Variants in IRAG1 observed in about 807,000 individuals in gnomAD.
IRAG1 encodes inositol 1,4,5-triphosphate receptor associated 1, also known as IP3R-associated cGMP kinase substrate.
A neutral mutation model predicts 106.2 loss-of-function variants in IRAG1; 62 were observed. The observed-to-expected ratio is 0.58, with a 90% CI of 0.48 to 0.72. IRAG1 has a LOEUF of 0.72. Among genes scored for constraint, IRAG1 ranks in the 30% least tolerant of loss-of-function variants. The pLI is 0.00. For missense variants in IRAG1, 1,064 were observed against 1,140.7 expected, an observed-to-expected ratio of 0.93 and a Z score of 0.97; for synonymous variants, 462 against 443.9, an observed-to-expected ratio of 1.04 and a Z score of -0.51.
At chr11:10,669,360 A>G (rs1860037713) in intron 1 of IRAG1, among the ~76,000 whole-genome samples, 1 of 151,818 alleles carries the variant, frequency 6.6e-6, no homozygotes, top group Non-Finnish European at 1.5e-5. Flanking sequence ...TCCAGACTTG[A>G]CTCCCTGGAG....
chr11:10,595,236 T>A (rs1352960883), intron 15 of IRAG1, among the ~76,000 whole-genome samples: 1 of 152,194 alleles, frequency 6.6e-6, no homozygotes, highest in African/African-American at 2.4e-5. Context: ...GTTTTTTTCA[T>A]AATCTAATCT....
chr11:10,636,246 C>T (rs1857136972), intron 2 of IRAG1, among the ~76,000 whole-genome samples: 1 of 152,166 alleles, frequency 6.6e-6, no homozygotes, highest in Non-Finnish European at 1.5e-5. Context: ...ACAATCATAG[C>T]TCGTTGTAGC....
intron 10 of IRAG1, among the ~76,000 whole-genome samples, chr11:10,615,698 C>T (rs1301186326): frequency 2.0e-5 from 3 of 151,884 alleles, no homozygotes; most frequent in Admixed American, 6.6e-5. Flanking sequence ...AACCAAACAC[C>T]GCATGTTCTC....
intron 2 of IRAG1, among the ~76,000 whole-genome samples, chr11:10,646,936 G>T (rs1451959617): frequency 6.6e-6 from 1 of 152,140 alleles, no homozygotes; most frequent in Non-Finnish European, 1.5e-5. Flanking sequence ...GTTAAAGTTG[G>T]GCTGTTTGAT....
chr11:10,622,373 G>C (rs1855900070), intron 10 of IRAG1, among the ~76,000 whole-genome samples: 1 of 152,146 alleles, frequency 6.6e-6, no homozygotes, highest in South Asian at 2.1e-4. Context: ...AGAGCCAGGA[G>C]CCTGGCCTGT....
At position 10,576,112 on chromosome 11, in the gene IRAG1, C is replaced by T. The variant is rs1850799155; in HGVS notation, c.*220G>A. ...CCTTGGTGAAGGTGACTTCTTCATC[C>T]ACTGGATGCTTTCCCAGGGCAGTTT... On this transcript the variant is annotated 3_prime_UTR_variant, in exon 21 of 21. Coordinates refer to ENST00000423302, the MANE Select transcript of IRAG1 (RefSeq NM_130385.4). 7 of 578,828 alleles carry T rather than the reference C, an allele frequency of 1.2e-5. No homozygotes were observed. In the South Asian group the frequency reaches 1.5e-4, roughly 12 times the overall value. The allele number at this position is 578,828 out of a possible 1,614,324, so 35.9% of individuals were successfully genotyped here.
chr11:10,672,429 C>T (rs1161841593), intron 1 of IRAG1, among the ~76,000 whole-genome samples: 2 of 152,098 alleles, frequency 1.3e-5, no homozygotes, highest in African/African-American at 2.4e-5. Context: ...AAAAAATTTG[C>T]AAATAGCATA....
chr11:10,675,547 G>A lies in IRAG1; in HGVS notation c.67+17989C>T, dbSNP rs139619979. Among the ~76,000 whole-genome samples the A allele has an allele frequency of 5.6e-3, 848 of 152,294 alleles. 12 individuals carry two copies. Among genetic ancestry groups the A allele is most frequent in the African/African-American group, 0.02 (822 of 41,556 alleles). On this transcript the variant is annotated intron_variant, in intron 1 of 20. Coordinates refer to ENST00000423302, the MANE Select transcript of IRAG1 (RefSeq NM_130385.4). ...TGACGACTGGGGAAGCAGGTCACCT[G>A]AGGAACCCTGAGCCTCTGGTCTGCT...
At chr11:10,607,448 C>A (rs1377783267) in intron 11 of IRAG1, among the ~76,000 whole-genome samples, 1 of 152,236 alleles carries the variant, frequency 6.6e-6, no homozygotes, top group Non-Finnish European at 1.5e-5. Flanking sequence ...AGCTCCTCGT[C>A]TGTGGCGTTC....
At chr11:10,652,896 C>A (rs1356202573) in intron 1 of IRAG1, among the ~76,000 whole-genome samples, 1 of 152,154 alleles carries the variant, frequency 6.6e-6, no homozygotes, top group Non-Finnish European at 1.5e-5. Context: ...AACCTGGGGG[C>A]TCAGGCAGGG....
intron 1 of IRAG1, among the ~76,000 whole-genome samples, chr11:10,671,543 C>T (rs985166296): frequency 6.6e-6 from 1 of 152,070 alleles, no homozygotes; most frequent in African/African-American, 2.4e-5. Context: ...AAAACCTCAT[C>T]TAAACTAAAA....
At chr11:10,617,908 CTGCTGTTTCAGGCCAGCTCTCACAATCTG>C (rs539641589) in intron 10 of IRAG1, among the ~76,000 whole-genome samples, 2,717 of 152,282 alleles carry the variant, frequency 0.018, 91 homozygotes, top group African/African-American at 0.062. Flanking sequence ...TCTCTAGCCT[CTGCTGTTTCAGGCCAGCTCTCACAATCTG>C]TCCAGAAGAA....
At chr11:10,636,331 C>T (rs979074796) in intron 2 of IRAG1, among the ~76,000 whole-genome samples, 8 of 152,172 alleles carry the variant, frequency 5.3e-5, no homozygotes, top group Non-Finnish European at 5.9e-5. Flanking sequence ...TGCACCACCA[C>T]GCCTGGCTGA....
rs1407476397 is a variant in IRAG1 at position 10,664,284 on chromosome 11, A to G, written c.68-12102T>C. Among the ~76,000 whole-genome samples the G allele has an allele frequency of 2.0e-5, 3 of 152,298 alleles. No individual in the cohort carries two copies. The East Asian group carries it at 5.8e-4, about 29-fold the overall frequency. On this transcript the variant is annotated intron_variant, in intron 1 of 20. Transcript: ENST00000423302. The stretch of plus-strand genomic sequence containing the variant: ...CTGCTGGGATGGAGCACCCCAGCTC[A>G]GGTCCCCGCCTCCTGTTCATCTCCA...
chr11:10,649,518 C>G (rs1016234057), intron 2 of IRAG1, among the ~76,000 whole-genome samples: 1 of 152,168 alleles, frequency 6.6e-6, no homozygotes, highest in Non-Finnish European at 1.5e-5. Context: ...GGTCTCTTGA[C>G]CAGAATGTAG....
At chr11:10,611,872 C>T (rs1024590436) in intron 10 of IRAG1, among the ~76,000 whole-genome samples, 1 of 152,178 alleles carries the variant, frequency 6.6e-6, no homozygotes, top group African/African-American at 2.4e-5. Flanking sequence ...ATAGAAGGTT[C>T]TCCATTCCAT....
intron 17 of IRAG1, 43 bp downstream of exon 17, chr11:10,593,449 A>G (rs771804185): frequency 6.5e-7 from 1 of 1,547,714 alleles, no homozygotes; most frequent in African/African-American, 1.4e-5. Flanking sequence ...AGGAAAGGTT[A>G]TTCTACTATT....
intron 18 of IRAG1, among the ~76,000 whole-genome samples, 180 bp downstream of exon 18, chr11:10,591,368 G>A (rs937688942): frequency 6.6e-6 from 1 of 152,172 alleles, no homozygotes. Flanking sequence ...CATCTTCCTG[G>A]TTCAAGAATT....
intron 18 of IRAG1, among the ~76,000 whole-genome samples, chr11:10,586,527 C>G (rs529047974): frequency 6.6e-6 from 1 of 152,094 alleles, no homozygotes; most frequent in East Asian, 1.9e-4. Context: ...AAGCGATTCT[C>G]CTGCCTCAGC....
Sources: allele counts gnomAD v4.1 joint callset (sites outside exome capture counted in the v4.1 genomes callset), GRCh38; gene constraint gnomAD v4.1.1; transcripts MANE v1.5; gene names NCBI Gene and HGNC (gene_info 2026-07-23, HGNC 2026-07-21).